The following ARHGEF3 variants were observed in gnomAD, a reference collection of about 807,000 sequenced individuals.
ARHGEF3 encodes Rho guanine nucleotide exchange factor 3.
In ARHGEF3, 28 loss-of-function variants were observed where a neutral mutation model predicts 63.2. The ratio of observed to expected loss-of-function variants is 0.44; its 90% CI spans 0.33 to 0.61. The LOEUF is 0.61. ARHGEF3 is among the 20% of genes least tolerant of loss of function. The pLI is 0.03. For missense variants in ARHGEF3, 533 were observed against 659.3 expected, an observed-to-expected ratio of 0.81 and a Z score of 2.10; for synonymous variants, 266 against 254.2, an observed-to-expected ratio of 1.05 and a Z score of -0.44.
chr3:56,803,884 CT>C (rs1362831842), upstream of ARHGEF3, among the ~76,000 whole-genome samples: 2 of 118,172 alleles, frequency 1.7e-5, no homozygotes, highest in Middle Eastern at 3.5e-3. Flanking sequence ...ATCATATTTT[CT>C]TTCTTTTTTT....
intron 1 of ARHGEF3, among the ~76,000 whole-genome samples, chr3:57,075,604 A>C (rs1706180732): frequency 6.6e-6 from 1 of 151,896 alleles, no homozygotes; most frequent in African/African-American, 2.4e-5. Context: ...GAGCTCAGGT[A>C]TTCAAGACCA....
At chr3:56,958,686 A>G in intron 3 of ARHGEF3, 1 of 909,348 alleles carries the variant, frequency 1.1e-6, no homozygotes, top group East Asian at 2.7e-5. Flanking sequence ...TGACTTCCCC[A>G]AGTGGTAAAG....
intron 2 of ARHGEF3, among the ~76,000 whole-genome samples, chr3:57,010,378 C>T (rs1487683742): frequency 1.3e-5 from 2 of 151,332 alleles, no homozygotes; most frequent in African/African-American, 4.9e-5. Context: ...ATGGCGTGAA[C>T]CCAGGAGGCA....
intron 1 of ARHGEF3, among the ~76,000 whole-genome samples, chr3:57,064,392 C>T (rs574141627): frequency 1.8e-4 from 27 of 151,666 alleles, no homozygotes; most frequent in Non-Finnish European, 3.5e-4. Flanking sequence ...GGCAAGATCA[C>T]GGCTCACTGC....
chr3:56,795,770 T>C (rs532754423), intron 1 of ARHGEF3, among the ~76,000 whole-genome samples: 2 of 151,162 alleles, frequency 1.3e-5, no homozygotes, highest in South Asian at 4.2e-4. Flanking sequence ...CCCTCCTGAG[T>C]AGCTTGGATT....
chr3:56,972,022 G>T (rs192599240), intron 2 of ARHGEF3, among the ~76,000 whole-genome samples: 1 of 151,766 alleles, frequency 6.6e-6, no homozygotes, highest in Non-Finnish European at 1.5e-5. Context: ...CATAACAAAC[G>T]CACCAGGACT....
chr3:57,027,935 C>A (rs557302832), intron 2 of ARHGEF3, among the ~76,000 whole-genome samples: 1 of 152,174 alleles, frequency 6.6e-6, no homozygotes, highest in African/African-American at 2.4e-5. Flanking sequence ...ACTTTAGAAC[C>A]CTTTTTCCCT....
In ARHGEF3 at chr3:57,078,942, A is replaced by AC. The variant is rs1706338835; in HGVS notation, c.-28+283_-28+284insG. 1.9e-5 allele frequency: 6 copies of AC among 309,112 alleles called. No individual in the cohort carries two copies. In the South Asian group the frequency reaches 9.6e-4, roughly 49 times the overall value. The allele number at this position is 309,112 out of a possible 1,614,324, so 19.1% of individuals were successfully genotyped here. ...CCCCAGCAGGAGCGACGGCTAGTCG[A>AC]GGCTGGCGGTGGCACTGCCCACCTG... On this transcript the variant is annotated intron_variant, in intron 1 of 12. Coordinates refer to the ARHGEF3 transcript ENST00000338458.
At chr3:57,062,824 C>T (rs1186914924) in intron 1 of ARHGEF3, among the ~76,000 whole-genome samples, 1 of 152,152 alleles carries the variant, frequency 6.6e-6, no homozygotes, top group Non-Finnish European at 1.5e-5. Context: ...GGCTTTTAAT[C>T]TGTTTACCAA....
At chr3:57,017,161 G>A (rs1459592745) in intron 2 of ARHGEF3, among the ~76,000 whole-genome samples, 2 of 151,954 alleles carry the variant, frequency 1.3e-5, no homozygotes, top group African/African-American at 4.8e-5. Context: ...AACAGCAGAG[G>A]TAAACCAAGG....
rs1560091519 is a variant in ARHGEF3 at position 56,967,360 on chromosome 3, T to TATTA, written c.63-8472_63-8471insTAAT. Among the ~76,000 whole-genome samples the TATTA allele has an allele frequency of 1.5e-3, 69 of 44,726 alleles. 3 individuals are homozygous for TATTA. The highest frequency in any genetic ancestry group is 3.0e-3 in the East Asian group (3 of 1,010). 29.3% of individuals were successfully genotyped at this position (44,726 alleles called of 152,430 possible). On this transcript the variant is annotated intron_variant, in intron 2 of 12. Coordinates refer to the ARHGEF3 transcript ENST00000338458. ...TGTACATATCATATATTATATAATATTATATTATATATTATATATTATACA... is the reference window on the plus strand; with the variant it reads ...TGTACATATCATATATTATATAATATATTATATATTATATATTATATATTATACA...
At chr3:56,837,284 G>A (rs17216809) in intron 4 of ARHGEF3, among the ~76,000 whole-genome samples, 12,933 of 152,200 alleles carry the variant, frequency 0.085, 806 homozygotes, top group Admixed American at 0.21. Flanking sequence ...GAGTCCAGAC[G>A]TTTTTCTACT....
At chr3:57,027,090 T>A (rs370553014) in intron 2 of ARHGEF3, among the ~76,000 whole-genome samples, 1 of 152,198 alleles carries the variant, frequency 6.6e-6, no homozygotes, top group African/African-American at 2.4e-5. Context: ...ATTTTTGAAC[T>A]GATAAGAGAC....
chr3:56,937,364 A>G (rs1698956568), intron 3 of ARHGEF3, among the ~76,000 whole-genome samples: 1 of 152,226 alleles, frequency 6.6e-6, no homozygotes, highest in Non-Finnish European at 1.5e-5. Context: ...GAATCATAGT[A>G]TCTGTAATTG....
intron 2 of ARHGEF3, among the ~76,000 whole-genome samples, chr3:56,973,162 A>G (rs1005429444): frequency 4.0e-5 from 6 of 151,522 alleles, no homozygotes; most frequent in African/African-American, 7.3e-5. Flanking sequence ...GACTACAGGC[A>G]CCCGCCACCA....
chr3:56,954,415 T>C (rs1699951042), intron 3 of ARHGEF3, among the ~76,000 whole-genome samples: 1 of 152,184 alleles, frequency 6.6e-6, no homozygotes, highest in Admixed American at 6.5e-5. Context: ...TGGGAGCAGA[T>C]GTGCAGTGAG....
chr3:56,995,061 T>C (rs112182673), intron 2 of ARHGEF3, among the ~76,000 whole-genome samples: 205 of 152,268 alleles, frequency 1.3e-3, no homozygotes, highest in African/African-American at 4.6e-3. Context: ...TGGGCCTCAG[T>C]TCTCCTCTGG....
At chr3:57,042,698 A>ATTTTTTTTTTTT (rs1235160376) in intron 1 of ARHGEF3, among the ~76,000 whole-genome samples, 6 of 41,410 alleles carry the variant, frequency 1.4e-4, no homozygotes, top group Admixed American at 4.4e-4. Flanking sequence ...ATATATATAT[A>ATTTTTTTTTTTT]TATTTTTTTT....
chr3:56,935,397 G>A (rs541044484), intron 3 of ARHGEF3, among the ~76,000 whole-genome samples: 1 of 152,270 alleles, frequency 6.6e-6, no homozygotes, highest in South Asian at 2.1e-4. Context: ...AATAAAAGCA[G>A]GCTGCCCTAG....
Sources: allele counts gnomAD v4.1 joint callset (sites outside exome capture counted in the v4.1 genomes callset), GRCh38; gene constraint gnomAD v4.1.1; transcripts MANE v1.5; gene names NCBI Gene and HGNC (gene_info 2026-07-23, HGNC 2026-07-21).